The following KLF13 variants were observed in gnomAD, a reference collection of about 807,000 sequenced individuals.
The protein encoded by KLF13 is Krueppel-like factor 13.
A neutral mutation model predicts 16.7 loss-of-function variants in KLF13; 8 were observed. The observed-to-expected ratio is 0.48, with a 90% confidence interval of 0.28 to 0.87. The LOEUF is 0.87. KLF13 is among the 40% of genes least tolerant of loss of function. KLF13 has a pLI of 0.10. For missense variants in KLF13, 447 were observed against 452.2 expected (o/e 0.99, Z 0.10); for synonymous variants, 245 against 208.4 (o/e 1.18, Z -1.51).
chr15:31,333,383 C>G (rs1410788400), intron 1 of KLF13, among the ~76,000 whole-genome samples: 1 of 152,176 alleles, frequency 6.6e-6, no homozygotes, highest in Non-Finnish European at 1.5e-5. Flanking sequence ...TTTCAGGTCA[C>G]TGCAGGTGAG....
At chr15:31,434,569 G>A (rs900821366) in intron 1 of KLF13, among the ~76,000 whole-genome samples, 1 of 152,202 alleles carries the variant, frequency 6.6e-6, no homozygotes, top group Non-Finnish European at 1.5e-5. Context: ...TCAGGGGCGT[G>A]GAAGGGACTT....
At chr15:31,379,179 G>A (rs868114145), downstream of KLF13, among the ~76,000 whole-genome samples, 2 of 152,170 alleles carry the variant, frequency 1.3e-5, no homozygotes, top group African/African-American at 4.8e-5. Context: ...ATCATAGACT[G>A]GGGGGAGGGA....
chr15:31,428,820 A>AAAAAAGAAAAAG (rs1555383802), intron 1 of KLF13, among the ~76,000 whole-genome samples: 2 of 72,650 alleles, frequency 2.8e-5, no homozygotes, highest in African/African-American at 1.2e-4. Context: ...AAAAAAAAAA[A>AAAAAAGAAAAAG]AAAAAGAAAA....
intron 1 of KLF13, chr15:31,366,581 C>T (rs927677754): frequency 6.6e-6 from 1 of 152,422 alleles, no homozygotes; most frequent in Non-Finnish European, 1.5e-5. Flanking sequence ...CTGTTGCTGT[C>T]TGTGTACCCC....
At chr15:31,329,220 T>G in intron 1 of KLF13, among the ~76,000 whole-genome samples, 1 of 147,304 alleles carries the variant, frequency 6.8e-6, no homozygotes, top group Non-Finnish European at 1.5e-5. Flanking sequence ...GGGGTGGGAG[T>G]CAGTGTGGGC....
At chr15:31,339,584 G>A (rs557085389) in intron 1 of KLF13, among the ~76,000 whole-genome samples, 29 of 152,314 alleles carry the variant, frequency 1.9e-4, no homozygotes, top group Middle Eastern at 3.4e-3. Context: ...TCTCCCCTGT[G>A]GGGGGTTCAG....
upstream of KLF13, among the ~76,000 whole-genome samples, chr15:31,391,289 G>A (rs1458663686): frequency 7.2e-6 from 1 of 138,324 alleles, no homozygotes; most frequent in Middle Eastern, 3.6e-3. Context: ...AGGGGGCTGG[G>A]TGTGGAACTG....
At chr15:31,402,088 C>T (rs181121382) in intron 2 of KLF13, among the ~76,000 whole-genome samples, 442 of 152,372 alleles carry the variant, frequency 2.9e-3, no homozygotes, top group Non-Finnish European at 4.4e-3. Flanking sequence ...CCAATGTCCA[C>T]TCCAGTAGGG....
At chr15:31,385,364 A>G (rs1423458787) in intron 1 of KLF13, among the ~76,000 whole-genome samples, 1 of 152,212 alleles carries the variant, frequency 6.6e-6, no homozygotes, top group Non-Finnish European at 1.5e-5. Flanking sequence ...CATTAGATTT[A>G]TTTAGGATTT....
intron 1 of KLF13, among the ~76,000 whole-genome samples, chr15:31,347,119 G>A (rs2039135105): frequency 6.6e-6 from 1 of 152,176 alleles, no homozygotes; most frequent in Non-Finnish European, 1.5e-5. Context: ...GGTCAAGCAG[G>A]GAATTCAGGA....
chr15:31,330,224 G>A (rs1461327469), intron 1 of KLF13, among the ~76,000 whole-genome samples: 14 of 152,210 alleles, frequency 9.2e-5, no homozygotes, highest in African/African-American at 2.7e-4. Flanking sequence ...CTTTGCTGCA[G>A]CCGTGGGCTC....
intron 1 of KLF13, among the ~76,000 whole-genome samples, chr15:31,421,313 C>T (rs913230009): frequency 4.6e-4 from 70 of 151,880 alleles, no homozygotes; most frequent in Admixed American, 4.1e-3. Context: ...AGCAACACAA[C>T]GGCGTAAAAA....
At chr15:31,426,264 T>C (rs2040400777) in intron 1 of KLF13, among the ~76,000 whole-genome samples, 1 of 152,136 alleles carries the variant, frequency 6.6e-6, no homozygotes, top group Non-Finnish European at 1.5e-5. Context: ...AGGAAAAGTG[T>C]AAAATAATGA....
At chr15:31,329,848 G>T (rs573706363) in intron 1 of KLF13, among the ~76,000 whole-genome samples, 3 of 152,200 alleles carry the variant, frequency 2.0e-5, no homozygotes, top group Non-Finnish European at 4.4e-5. Flanking sequence ...GAAGTGCACA[G>T]GGCTCCGGCA....
chr15:31,342,797 G>A (rs2039049371), intron 1 of KLF13, among the ~76,000 whole-genome samples: 1 of 152,178 alleles, frequency 6.6e-6, no homozygotes. Flanking sequence ...CCTTCTTGAG[G>A]CTGGCCTCTT....
At chr15:31,405,676 C>T (rs879621767), downstream of KLF13, among the ~76,000 whole-genome samples, 12 of 152,160 alleles carry the variant, frequency 7.9e-5, no homozygotes, top group Non-Finnish European at 1.5e-4. Flanking sequence ...GTGAGGGCTG[C>T]CAGGTGTGAC....
chr15:31,341,359 C>T (rs1340906240), intron 1 of KLF13, among the ~76,000 whole-genome samples: 2 of 151,994 alleles, frequency 1.3e-5, no homozygotes, highest in African/African-American at 2.4e-5. Flanking sequence ...CGTGTGTGTA[C>T]GTGTGTGTGT....
intron 1 of KLF13, among the ~76,000 whole-genome samples, chr15:31,419,395 C>T (rs760802393): frequency 2.6e-5 from 4 of 152,006 alleles, no homozygotes; most frequent in African/African-American, 2.4e-5. Flanking sequence ...TACAAGAGTA[C>T]ACAGATAGAC....
At chr15:31,426,660 T>A (rs1241851838) in intron 1 of KLF13, among the ~76,000 whole-genome samples, 2 of 152,150 alleles carry the variant, frequency 1.3e-5, no homozygotes, top group Non-Finnish European at 1.5e-5. Context: ...TGAGCAGACA[T>A]TTCTCCAAAT....
Sources: gnomAD v4.1 joint callset for allele counts (sites outside exome capture counted in the v4.1 genomes callset) on GRCh38, gnomAD v4.1.1 for gene constraint, MANE v1.5 for transcripts, NCBI Gene and HGNC (gene_info 2026-07-23, HGNC 2026-07-21) for gene names.